WNT7B: variants seen among roughly 807,000 people sequenced by gnomAD.
WNT7B encodes the protein Wnt family member 7B.
A neutral mutation model predicts 38.2 loss-of-function variants in WNT7B; 19 were observed. That is an observed-to-expected ratio of 0.50 (90% CI 0.35 to 0.73). The LOEUF (loss-of-function observed/expected upper bound fraction) is 0.73. Among genes scored for constraint, WNT7B ranks in the 30% least tolerant of loss-of-function variants. WNT7B has a pLI of 0.01. For synonymous variants in WNT7B, 243 were observed against 209.3 expected (o/e 1.16, Z -1.39); for missense variants, 423 against 507.9 (o/e 0.83, Z 1.61).
At chr22:45,930,870 C>T (rs1931325786) in intron 3 of WNT7B, among the ~76,000 whole-genome samples, 1 of 152,194 alleles carries the variant, frequency 6.6e-6, no homozygotes, top group Non-Finnish European at 1.5e-5. Flanking sequence ...CCGTGAGCAT[C>T]GCGTTGGCAT....
chr22:45,943,038 T>C (rs1306321360), intron 2 of WNT7B, among the ~76,000 whole-genome samples: 1 of 138,434 alleles, frequency 7.2e-6, no homozygotes, highest in South Asian at 2.1e-4. Context: ...TGTGTGCGCG[T>C]GTGTGCAGCA....
chr22:45,929,896 T>C lies in WNT7B; in HGVS notation c.570+1202A>G, dbSNP rs536626879. Among the ~76,000 whole-genome samples the C allele has an allele frequency of 5.6e-5, 6 of 107,894 alleles. No individual in the cohort carries two copies. In the East Asian group the frequency reaches 2.1e-3, roughly 38 times the overall value. 70.8% of individuals were successfully genotyped at this position (107,894 alleles called of 152,430 possible). ...TCCAACCATCTACCCACTCATCCAC[T>C]CATCTATCTACCCATCCATCTATCC... On this transcript the variant is annotated intron_variant, in intron 3 of 3. Coordinates refer to ENST00000339464, the MANE Select transcript of WNT7B (RefSeq NM_058238.3).
Position 45,923,005 on chromosome 22 carries a change from C to T in WNT7B, c.901G>A (p.Ala301Thr), listed in dbSNP as rs768896030. 24 of 1,612,854 alleles carry T rather than the reference C, an allele frequency of 1.5e-5. No individual in the cohort carries two copies. Among genetic ancestry groups the T allele is most frequent in the Admixed American group, 1.0e-4 (6 of 59,996 alleles). ...GRLCNRTSPG[A>T]DGCDTMCCGR... is the part of the protein sequence containing the mutation. ...CAGCACATGGTGTCACAGCCGTCCG[C>T]GCCGGGCGACGTGCGGTTGCAGAGA... Residue 301 changes from alanine to threonine, a missense_variant, in exon 4 of 4, where the codon GCG becomes ACG. Around this residue, in one of 3 missense-constraint regions of WNT7B, gnomAD observed 158 missense variants for 214.7 expected, o/e 0.74. Transcript: ENST00000339464.
rs1034213069 is a variant in WNT7B, at chr22:45,976,932, T to TGCC, written c.-181_-179dup. 6 of 989,756 alleles carry TGCC rather than the reference T, an allele frequency of 6.1e-6. No individual in the cohort carries two copies. The highest frequency in any genetic ancestry group is 1.1e-4 in the East Asian group (1 of 8,876). 61.3% of individuals were successfully genotyped at this position (989,756 alleles called of 1,614,324 possible). On this transcript the variant is annotated 5_prime_UTR_variant, in exon 1 of 4. Transcript: ENST00000339464. The surrounding 1 kb of genome is among the most constrained non-coding windows in gnomAD (Gnocchi z 8.5). ...CGCTGCCACCATGGTGAGCCCGGGA[T>TGCC]GCCGCCGCCGCCACCGCCGCGTGAG...
At chr22:45,957,509 C>T (rs959675911) in intron 1 of WNT7B, among the ~76,000 whole-genome samples, 2 of 151,652 alleles carry the variant, frequency 1.3e-5, no homozygotes, top group Admixed American at 6.6e-5. Flanking sequence ...CATGGTGAAA[C>T]TGTGTCTCTA....
Position 45,969,767 on chromosome 22 carries a change from C to T in WNT7B, c.71+6917G>A, listed in dbSNP as rs540481106. Among the ~76,000 whole-genome samples the T allele has an allele frequency of 5.3e-5, 8 of 152,344 alleles. No homozygotes were observed. The South Asian group carries it at 8.3e-4, about 16-fold the overall frequency. ...AGGGGGAGGATCAGCTGTCAGCCAG[C>T]GTCTGGGATCCCAGCAATGGGATCT... On this transcript the variant is annotated intron_variant, in intron 1 of 3. Coordinates refer to ENST00000339464, the MANE Select transcript of WNT7B (RefSeq NM_058238.3).
chr22:45,947,517 T>C (rs1931825113), intron 2 of WNT7B, among the ~76,000 whole-genome samples: 1 of 151,974 alleles, frequency 6.6e-6, no homozygotes, highest in African/African-American at 2.4e-5. Flanking sequence ...AGGCCAGAGG[T>C]TCGCATGGGT....
intron 2 of WNT7B, chr22:45,936,236 T>C (rs761724683): frequency 1.1e-5 from 10 of 941,994 alleles, no homozygotes; most frequent in Non-Finnish European, 1.3e-5. Context: ...ATTTGATACA[T>C]GGAACTCAAA....
chr22:45,927,644 C>T (rs577650095), intron 3 of WNT7B: 8 of 777,982 alleles, frequency 1.0e-5, no homozygotes, highest in African/African-American at 1.7e-5. Flanking sequence ...ACCTGTAATC[C>T]AAGCACTTTG....
intron 1 of WNT7B, among the ~76,000 whole-genome samples, chr22:45,963,734 C>T (rs567944053): frequency 6.6e-6 from 1 of 152,260 alleles, no homozygotes; most frequent in African/African-American, 2.4e-5. Context: ...GGAAGCCCAG[C>T]TGGGCTCTGG....
intron 1 of WNT7B, among the ~76,000 whole-genome samples, chr22:45,954,112 T>C (rs1257938096): frequency 6.6e-6 from 1 of 152,202 alleles, no homozygotes; most frequent in African/African-American, 2.4e-5. Context: ...TGCCACGGCA[T>C]GGAGGAACCT....
chr22:45,922,872 A>C lies in WNT7B; in HGVS notation c.1034T>G (p.Val345Gly). ...KCNTCSERTE[V>G]FTCK is the part of the protein sequence containing the mutation. ...GGCCTGGCCTCACTTGCAGGTGAAG[A>C]CCTCGGTGCGCTCGCTGCAGGTGTT... The change falls in exon 4 of 4, where the codon GTC becomes GGC. Residue 345 changes from valine to glycine, a missense_variant. Physicochemically the swap from Val to Gly is moderately radical, Grantham distance 109 (BLOSUM62 -3). Around this residue, in one of 3 missense-constraint regions of WNT7B, gnomAD observed 158 missense variants for 214.7 expected, o/e 0.74. Transcript: ENST00000339464. 1 of 1,598,130 alleles carries C rather than the reference A, an allele frequency of 6.3e-7. No individual in the cohort carries two copies. Among genetic ancestry groups the C allele is most frequent in the Non-Finnish European group, 8.6e-7 (1 of 1,167,962 alleles).
In WNT7B at chr22:45,977,088, C is replaced by T. The variant is rs75792643; in HGVS notation, c.-334G>A. On this transcript the variant is annotated 5_prime_UTR_variant, in exon 1 of 4. Transcript: ENST00000339464. ...GTGCAGCCTGCACTAGGCGCAGCCG[C>T]CTGAGGCCGTGAGCGCCTCGCCGAG... is the stretch of plus-strand genomic sequence containing the variant. 281,447 of 912,638 alleles carry T rather than the reference C, an allele frequency of 0.31. 45,217 individuals carry two copies. Among genetic ancestry groups the T allele is most frequent in the East Asian group, 0.66 (5,588 of 8,422 alleles). The allele number at this position is 912,638 out of a possible 1,614,324, so 56.5% of individuals were successfully genotyped here.
chr22:45,942,581 C>A (rs1057484728), intron 2 of WNT7B, among the ~76,000 whole-genome samples: 1 of 152,260 alleles, frequency 6.6e-6, no homozygotes, highest in Admixed American at 6.5e-5. Flanking sequence ...CAATCCTGAC[C>A]TGGACCAGCC....
At position 45,922,886 on chromosome 22, in the gene WNT7B, G is replaced by A. The variant is rs370153304; in HGVS notation, c.1020C>T (p.Ser340=). The A allele has an allele frequency of 3.9e-5, 62 of 1,595,170 alleles. No individual in the cohort carries two copies. Among genetic ancestry groups the A allele is most frequent in the Admixed American group, 8.4e-5 (5 of 59,450 alleles). ...TGCAGGTGAAGACCTCGGTGCGCTC[G>A]CTGCAGGTGTTGCACTTGACGAAGC... ...WCCFVKCNTC[S]ERTEVFTCK The change falls in exon 4 of 4, where the codon AGC becomes AGT. Residue 340 remains serine (S), a synonymous_variant. Coordinates refer to ENST00000339464, the MANE Select transcript of WNT7B (RefSeq NM_058238.3).
intron 2 of WNT7B, among the ~76,000 whole-genome samples, chr22:45,938,711 GACT>G (rs1931571847): frequency 6.6e-6 from 1 of 152,072 alleles, no homozygotes; most frequent in African/African-American, 2.4e-5. Flanking sequence ...ATGCTGGGGT[GACT>G]ACAGTTAAGA....
At chr22:45,961,380 A>C (rs1182184076) in intron 1 of WNT7B, among the ~76,000 whole-genome samples, 1 of 152,084 alleles carries the variant, frequency 6.6e-6, no homozygotes, top group Non-Finnish European at 1.5e-5. Flanking sequence ...GGGGCCTTAC[A>C]CCTGTGGGGG....
At chr22:45,929,280 C>T (rs1931207019) in intron 3 of WNT7B, among the ~76,000 whole-genome samples, 1 of 152,206 alleles carries the variant, frequency 6.6e-6, no homozygotes, top group Non-Finnish European at 1.5e-5. Context: ...TGTGATCTGC[C>T]TGTACCTGGA....
At chr22:45,926,651 C>T in intron 3 of WNT7B, 1 of 985,340 alleles carries the variant, frequency 1.0e-6, no homozygotes, top group Non-Finnish European at 1.2e-6. Context: ...AATGAGGTGC[C>T]TCACACCCTC....
Sources: allele counts gnomAD v4.1 joint callset (sites outside exome capture counted in the v4.1 genomes callset), GRCh38; gene constraint gnomAD v4.1.1; regional missense constraint gnomAD v4.1.1; non-coding constraint Gnocchi (gnomAD v3.1); transcripts MANE v1.5; gene names NCBI Gene and HGNC (gene_info 2026-07-23, HGNC 2026-07-21).